Variants in KDM5C observed in about 807,000 individuals in gnomAD.
KDM5C encodes the protein lysine demethylase 5C.
In KDM5C, 16 loss-of-function variants were observed where a neutral mutation model predicts 110.6. That is an observed-to-expected ratio of 0.14 (90% CI 0.10 to 0.22). KDM5C has a LOEUF of 0.22. Among genes scored for constraint, KDM5C ranks in the 10% least tolerant of loss-of-function variants. The pLI is 1.00. For missense variants in KDM5C, 681 were observed against 1,300.9 expected (o/e 0.52, Z 7.33); for synonymous variants, 511 against 520.4 (o/e 0.98, Z 0.24).
downstream of KDM5C, among the ~76,000 whole-genome samples, chrX:53,188,424 G>T (rs1465016178): frequency 9.3e-6 from 1 of 107,752 alleles, no homozygotes; most frequent in African/African-American, 3.4e-5. Context: ...TGCCCAGACT[G>T]GAGTGCAATG....
chrX:53,220,964 G>A, intron 1 of KDM5C, 48 bp from the exon 2 acceptor site: 1 of 1,081,473 alleles, frequency 9.2e-7, no homozygotes. Context: ...TCAGCATAGT[G>A]TAAGACCGGA....
At position 53,192,858 on chromosome X, in the gene KDM5C, G is replaced by GCCCCCCCGC; in HGVS notation, c.*108_*109insGCGGGGGGG. 1 of 728,432 alleles carries GCCCCCCCGC rather than the reference G, an allele frequency of 1.4e-6. No individual in the cohort carries two copies. The highest frequency in any genetic ancestry group is 1.8e-6 in the Non-Finnish European group (1 of 548,377). 60.0% of individuals were successfully genotyped at this position (728,432 alleles called of 1,213,427 possible). A position where few individuals can be genotyped will look rare whatever the true frequency, so the allele number is the denominator to read the frequency against. On this transcript the variant is annotated 3_prime_UTR_variant, in exon 26 of 26. Transcript: ENST00000375401. ...CAGGGGTGGGCGGGTAGCAGGGATG[G>GCCCCCCCGC]CCACCCCCCTACCCGCCCACCCCCC...
intron 25 of KDM5C, among the ~76,000 whole-genome samples, chrX:53,180,466 G>A (rs1934003922): frequency 9.0e-6 from 1 of 111,302 alleles, no homozygotes; most frequent in African/African-American, 3.3e-5. Flanking sequence ...TATAACGAAT[G>A]TACCACTCTG....
chrX:53,193,143 C>A lies in KDM5C; in HGVS notation c.4507G>T (p.Gly1503Trp). The A allele has an allele frequency of 8.3e-7, 1 of 1,210,736 alleles. No homozygotes were observed. The highest frequency in any genetic ancestry group is 1.7e-5 in the African/African-American group (1 of 57,550). ...QEEEELEEETGGEGPPAPIPT... is the reference protein window; with the variant it reads ...QEEEELEEETWGEGPPAPIPT... ...ATGGGTGCAGGGGGGCCCTCACCCC[C>A]AGTCTCCTCCTCCAGCTCTTCCTCC... Residue 1503 changes from glycine to tryptophan, a missense_variant, in exon 26 of 26, where the codon GGG becomes TGG. Gly to Trp is a radical substitution (Grantham distance 184, BLOSUM62 -2). Transcript: ENST00000375401.
At chrX:53,224,542 A>G (rs909025290) in intron 1 of KDM5C, among the ~76,000 whole-genome samples, 198 bp downstream of exon 1, 5 of 110,018 alleles carry the variant, frequency 4.5e-5, no homozygotes, top group Non-Finnish European at 9.5e-5. Flanking sequence ...TGGATCTCTG[A>G]CTCCAGGTCA....
chrX:53,192,846 G>A lies in KDM5C; in HGVS notation c.*121C>T. ...AGTCAAGGGACTCAGGGGTGGGCGG[G>A]TAGCAGGGATGGCCACCCCCCTACC... On this transcript the variant is annotated 3_prime_UTR_variant, in exon 26 of 26. Coordinates refer to ENST00000375401, the MANE Select transcript of KDM5C (RefSeq NM_004187.5). 3.3e-6 allele frequency: 3 copies of A among 921,027 alleles called. No individual in the cohort carries two copies. Among genetic ancestry groups the A allele is most frequent in the Non-Finnish European group, 4.4e-6 (3 of 680,006 alleles). 75.9% of individuals were successfully genotyped at this position (921,027 alleles called of 1,213,427 possible).
At chrX:53,221,739 G>A (rs1275242922) in intron 1 of KDM5C, 2 of 980,390 alleles carry the variant, frequency 2.0e-6, no homozygotes, top group Non-Finnish European at 1.3e-6. Flanking sequence ...GCCTGGTACA[G>A]GAAGAGGCAG....
Position 53,196,941 on chromosome X carries a change from C to T in KDM5C, c.2726G>A (p.Arg909Gln), listed in dbSNP as rs148661902. 74 of 1,196,158 alleles carry T rather than the reference C, an allele frequency of 6.2e-5. No homozygotes were observed. The African/African-American group carries it at 1.2e-3, about 20-fold the overall frequency. ...CTCAGGCACCTCCACCCCCAGCTGC[C>T]GCCCCCTCTCCAACAGGGACTGCAG... is the stretch of plus-strand genomic sequence containing the variant. Reference protein sequence around the residue: ...GLLQSLLERGRQLGVEVPEAQ... With the variant: ...GLLQSLLERGQQLGVEVPEAQ... The change falls in exon 19 of 26, where the codon CGG (arginine) becomes CAG (glutamine). Residue 909 changes from arginine to glutamine, a missense_variant. Around this residue, in one of 14 missense-constraint regions of KDM5C, gnomAD observed 123 missense variants for 169.0 expected, o/e 0.73. Coordinates refer to ENST00000375401, the MANE Select transcript of KDM5C (RefSeq NM_004187.5).
intron 12 of KDM5C, 98 bp downstream of exon 12, chrX:53,210,316 A>G: frequency 2.8e-6 from 3 of 1,071,180 alleles, no homozygotes; most frequent in South Asian, 3.8e-5. Flanking sequence ...AAGAAAGGCC[A>G]GGGGCAGAAT....
intron 12 of KDM5C, among the ~76,000 whole-genome samples, chrX:53,207,990 AG>A (rs2073406577): frequency 3.7e-5 from 4 of 107,791 alleles, no homozygotes; most frequent in Admixed American, 9.9e-5. Context: ...AAAAAAAAAA[AG>A]AAAAGAAAAT....
chrX:53,217,739 T>C lies in KDM5C; in HGVS notation c.522+57A>G, dbSNP rs145882367. Reference sequence around the variant, plus strand: ...CTAAACCAGTTTCATTAAGAGCAAGTGTGGAAATCTGTGCTGAAGGGTAAA... The same window carrying C: ...CTAAACCAGTTTCATTAAGAGCAAGCGTGGAAATCTGTGCTGAAGGGTAAA... On this transcript the variant is annotated intron_variant, in intron 4 of 25. Coordinates refer to ENST00000375401, the MANE Select transcript of KDM5C (RefSeq NM_004187.5). 1.3e-3 allele frequency: 1,474 copies of C among 1,146,531 alleles called. 8 individuals carry two copies. The African/African-American group carries it at 0.024, about 18-fold the overall frequency. 94.5% of individuals were successfully genotyped at this position (1,146,531 alleles called of 1,213,427 possible). A position where few individuals can be genotyped will look rare whatever the true frequency, so the allele number is the denominator to read the frequency against.
chrX:53,181,139 T>A (rs186241605), intron 25 of KDM5C, among the ~76,000 whole-genome samples: 1,449 of 109,542 alleles, frequency 0.013, 11 homozygotes, highest in Admixed American at 0.02. Flanking sequence ...ATATATATTT[T>A]TTTTTGTTTG....
intron 8 of KDM5C, 45 bp from the exon 9 acceptor site, chrX:53,211,951 G>C: frequency 2.5e-6 from 3 of 1,202,330 alleles, no homozygotes; most frequent in Non-Finnish European, 3.4e-6. Context: ...AGGCAAAGAG[G>C]TGAAGAATCC....
At chrX:53,212,491 A>G (rs2073599924) in intron 8 of KDM5C, 1 of 114,718 alleles carries the variant, frequency 8.7e-6, no homozygotes, top group African/African-American at 3.4e-5. Context: ...TTTTTAGTAG[A>G]GATGGGGTTT....
chrX:53,180,462 G>A (rs1382527631), intron 25 of KDM5C, among the ~76,000 whole-genome samples: 1 of 111,236 alleles, frequency 9.0e-6, no homozygotes, highest in African/African-American at 3.3e-5. Flanking sequence ...TGACTATAAC[G>A]AATGTACCAC....
chrX:53,187,679 A>C (rs1934262028), downstream of KDM5C, among the ~76,000 whole-genome samples: 1 of 111,626 alleles, frequency 9.0e-6, no homozygotes, highest in Non-Finnish European at 1.9e-5. Flanking sequence ...CCAAGGTGGA[A>C]GGATTGAGCC....
intron 25 of KDM5C, among the ~76,000 whole-genome samples, chrX:53,177,001 C>T (rs1933901517): frequency 1.8e-5 from 2 of 111,618 alleles, no homozygotes; most frequent in Admixed American, 9.5e-5. Context: ...GTAATCCCAG[C>T]ACTTTGTGAG....
rs2074004330 is a variant in KDM5C, at chrX:53,225,119, G to A, written c.-230C>T. ...CGCTCCGTTTCTTCCAAACTGTGTG[G>A]TTGCCTCCCCACTACCGCAGCCTTC... On this transcript the variant is annotated 5_prime_UTR_variant, in exon 1 of 26. Coordinates refer to ENST00000375401, the MANE Select transcript of KDM5C (RefSeq NM_004187.5). The A allele has an allele frequency of 7.9e-6, 3 of 381,251 alleles. No homozygotes were observed. The highest frequency in any genetic ancestry group is 1.3e-5 in the Non-Finnish European group (3 of 227,031). 31.4% of individuals were successfully genotyped at this position (381,251 alleles called of 1,213,427 possible).
At position 53,214,826 on chromosome X, in the gene KDM5C, T is replaced by C; in HGVS notation, c.985A>G (p.Met329Val). Reference protein sequence around the residue: ...AQFIESYVCRMCSRGDEDDKL... With the variant: ...AQFIESYVCRVCSRGDEDDKL... ...TCATCCTCATCCCCTCGAGAACACA[T>C]CCGGCAGACATATGACTCAATCTGC... Residue 329 changes from methionine to valine, a missense_variant, in exon 8 of 26, where the codon ATG becomes GTG. By Grantham distance (21) the Met-to-Val change is conservative. Coordinates refer to ENST00000375401, the MANE Select transcript of KDM5C (RefSeq NM_004187.5). 1.7e-6 allele frequency: 2 copies of C among 1,211,675 alleles called. No individual in the cohort carries two copies. Among genetic ancestry groups the C allele is most frequent in the East Asian group, 5.9e-5 (2 of 33,854 alleles).
Sources: allele counts gnomAD v4.1 joint callset (sites outside exome capture counted in the v4.1 genomes callset), GRCh38; gene constraint gnomAD v4.1.1; regional missense constraint gnomAD v4.1.1; transcripts MANE v1.5; gene names NCBI Gene and HGNC (gene_info 2026-07-23, HGNC 2026-07-21).